TMEM72: variants seen among roughly 807,000 people sequenced by gnomAD.
TMEM72 encodes kidney-specific secretory protein of 37 kDa.
In TMEM72, 9 loss-of-function variants were observed where a neutral mutation model predicts 16.3. The ratio of observed to expected loss-of-function variants is 0.55; its 90% confidence interval spans 0.33 to 0.96. TMEM72 has a LOEUF of 0.96. Among genes scored for constraint, TMEM72 ranks in the 40% least tolerant of loss-of-function variants. The probability of loss-of-function intolerance (pLI) is 0.03; values close to 1 mark genes in which losing one functional copy is unlikely to be tolerated. For missense variants in TMEM72, 324 were observed against 337.8 expected (o/e 0.96, Z 0.32); for synonymous variants, 160 against 146.5 (o/e 1.09, Z -0.66).
intron 1 of TMEM72, chr10:44,923,127 T>C (rs1840128202): frequency 1.3e-5 from 2 of 152,518 alleles, no homozygotes; most frequent in South Asian, 2.1e-4. Flanking sequence ...ACAGGTAGGG[T>C]GGCTGGCATG....
At chr10:44,925,694 C>A (rs1436166203) in intron 1 of TMEM72, among the ~76,000 whole-genome samples, 2 of 152,214 alleles carry the variant, frequency 1.3e-5, no homozygotes, top group African/African-American at 4.8e-5. Context: ...GGGCCTCCAT[C>A]CGTGGTTGGT....
chr10:44,921,687 AG>A (rs1840100899), intron 1 of TMEM72, among the ~76,000 whole-genome samples: 1 of 152,214 alleles, frequency 6.6e-6, no homozygotes, highest in Admixed American at 6.5e-5. Flanking sequence ...CACCCTGTGA[AG>A]GCAGAGCTTC....
chr10:44,934,250 G>T (rs1261645407), intron 4 of TMEM72, among the ~76,000 whole-genome samples: 3 of 152,238 alleles, frequency 2.0e-5, no homozygotes, highest in Middle Eastern at 3.4e-3. Flanking sequence ...CTGGCCAGCT[G>T]GTTTCTGGTC....
intron 1 of TMEM72, among the ~76,000 whole-genome samples, chr10:44,918,686 C>T (rs1840047215): frequency 6.6e-6 from 1 of 152,086 alleles, no homozygotes; most frequent in South Asian, 2.1e-4. Flanking sequence ...ATTAATGTAA[C>T]TTACCATGTG....
rs1444422405 is a variant in TMEM72 at position 44,936,051 on chromosome 10, G to GA, written c.*921dup. On this transcript the variant is annotated 3_prime_UTR_variant, in exon 5 of 5. Transcript: ENST00000389583. Reference sequence around the variant, plus strand: ...GAAGTGAGGGGGGAAGAAGAGGAGGGAAAATGGGAGGATAGGAGGAAGTGG... The same window carrying GA: ...GAAGTGAGGGGGGAAGAAGAGGAGGGAAAAATGGGAGGATAGGAGGAAGTGG... 7 of 152,258 alleles carry GA rather than the reference G, an allele frequency of 4.6e-5. No homozygotes were observed. The East Asian group carries it at 1.2e-3, about 25-fold the overall frequency. The allele number at this position is 152,258 out of a possible 1,614,324, so 9.4% of individuals were successfully genotyped here. A position where few individuals can be genotyped will look rare whatever the true frequency, so the allele number is the denominator to read the frequency against.
rs775485511 is a variant in TMEM72, at chr10:44,934,703, C to A, written c.397C>A (p.Arg133=). Residue 133 remains arginine, a synonymous_variant, in exon 5 of 5, where the codon CGG becomes AGG. Coordinates refer to ENST00000389583, the MANE Select transcript of TMEM72 (RefSeq NM_001123376.3). ...CCTGGCCTACTTCCTTCTGAGCAAGCGGAAGAAGAGGAAAGCTGCCCCCGA... is the reference window on the plus strand; with the variant it reads ...CCTGGCCTACTTCCTTCTGAGCAAGAGGAAGAAGAGGAAAGCTGCCCCCGA... ...TGLAYFLLSK[R]KKRKAAPEVL... 6.2e-7 allele frequency: 1 copy of A among 1,607,464 alleles called. No individual in the cohort carries two copies. The highest frequency in any genetic ancestry group is 8.5e-7 in the Non-Finnish European group (1 of 1,177,582).
At chr10:44,928,488 A>G (rs550683212) in intron 2 of TMEM72, among the ~76,000 whole-genome samples, 75 of 151,938 alleles carry the variant, frequency 4.9e-4, no homozygotes, top group Middle Eastern at 3.4e-3. Context: ...CCATCCATCC[A>G]TCTGCCCATA....
At chr10:44,924,811 C>G (rs1313913608) in intron 1 of TMEM72, among the ~76,000 whole-genome samples, 1 of 152,242 alleles carries the variant, frequency 6.6e-6, no homozygotes, top group African/African-American at 2.4e-5. Context: ...TCCCCACACT[C>G]TCCTCCTCCC....
At chr10:44,912,903 G>C (rs1839958267) in intron 1 of TMEM72, among the ~76,000 whole-genome samples, 1 of 152,298 alleles carries the variant, frequency 6.6e-6, no homozygotes, top group African/African-American at 2.4e-5. Context: ...GGGCACCTGA[G>C]CTCAAATGCA....
chr10:44,924,546 T>A (rs1840154461), intron 1 of TMEM72, among the ~76,000 whole-genome samples: 2 of 152,186 alleles, frequency 1.3e-5, no homozygotes, highest in South Asian at 4.1e-4. Flanking sequence ...AGGGTGGGCC[T>A]GCCGCTCCCA....
rs1483998251 is a variant in TMEM72, at chr10:44,932,195, C to T, written c.209+126C>T. The T allele has an allele frequency of 6.1e-6, 7 of 1,139,592 alleles. No homozygotes were observed. In the African/African-American group the frequency reaches 1.1e-4, roughly 18 times the overall value. 70.6% of individuals were successfully genotyped at this position (1,139,592 alleles called of 1,614,324 possible). A position where few individuals can be genotyped will look rare whatever the true frequency, so the allele number is the denominator to read the frequency against. On this transcript the variant is annotated intron_variant, in intron 3 of 4. Transcript: ENST00000389583. Reference sequence around the variant, plus strand: ...GAAGCCACTGTGGACAGGAGCCCCCCACCGAGGTACAATCAGCCTGGCCTG... The same window carrying T: ...GAAGCCACTGTGGACAGGAGCCCCCTACCGAGGTACAATCAGCCTGGCCTG...
At chr10:44,913,885 T>C (rs578152492) in intron 1 of TMEM72, among the ~76,000 whole-genome samples, 1 of 152,324 alleles carries the variant, frequency 6.6e-6, no homozygotes, top group Non-Finnish European at 1.5e-5. Context: ...ATAGAGGGCC[T>C]CACTTTGCAG....
At chr10:44,925,687 C>A (rs961326779) in intron 1 of TMEM72, among the ~76,000 whole-genome samples, 11 of 152,214 alleles carry the variant, frequency 7.2e-5, no homozygotes, top group African/African-American at 2.4e-4. Flanking sequence ...CTGACCTGGG[C>A]CTCCATCCGT....
chr10:44,911,539 G>A lies in TMEM72; in HGVS notation c.27G>A (p.Gly9=). MQLQVFWT[G]LEYTCRLLGI... is the part of the protein sequence containing the mutation. ...TGCAGCTCCAGGTGTTCTGGACTGG[G>A]CTGGAATACACCTGCCGGCTCCTGG... The change falls in exon 1 of 5, where the codon GGG becomes GGA. Residue 9 remains glycine (G), a synonymous_variant. Transcript: ENST00000389583. The A allele has an allele frequency of 6.4e-7, 1 of 1,551,286 alleles. No individual in the cohort carries two copies. The highest frequency in any genetic ancestry group is 1.4e-5 in the African/African-American group (1 of 73,252).
At chr10:44,925,983 TCA>T (rs756123216) in intron 1 of TMEM72, among the ~76,000 whole-genome samples, 80 of 148,138 alleles carry the variant, frequency 5.4e-4, no homozygotes, top group Non-Finnish European at 8.7e-4. Flanking sequence ...ACATATATAC[TCA>T]CACTCACATA....
chr10:44,915,422 G>A (rs1233016516), intron 1 of TMEM72, among the ~76,000 whole-genome samples: 2 of 151,550 alleles, frequency 1.3e-5, no homozygotes, highest in Non-Finnish European at 2.9e-5. Context: ...GGAAACCGAG[G>A]CCTGATGGAG....
chr10:44,914,654 C>T (rs1839987751), intron 1 of TMEM72, among the ~76,000 whole-genome samples: 1 of 152,194 alleles, frequency 6.6e-6, no homozygotes, highest in South Asian at 2.1e-4. Context: ...TAAAGATGTC[C>T]TGAGTGTGAG....
intron 1 of TMEM72, among the ~76,000 whole-genome samples, chr10:44,926,690 C>G (rs1022416505): frequency 6.6e-6 from 1 of 152,146 alleles, no homozygotes; most frequent in African/African-American, 2.4e-5. Flanking sequence ...AGCCCCAGAG[C>G]CCTCCATCCA....
intron 4 of TMEM72, 128 bp downstream of exon 4, chr10:44,933,904 A>T: frequency 8.5e-7 from 1 of 1,169,850 alleles, no homozygotes; most frequent in Non-Finnish European, 1.2e-6. Flanking sequence ...GCCCTCTCTG[A>T]CCTAGAGGGT....
Sources: gnomAD v4.1 joint callset for allele counts (sites outside exome capture counted in the v4.1 genomes callset) on GRCh38, gnomAD v4.1.1 for gene constraint, MANE v1.5 for transcripts, NCBI Gene and HGNC (gene_info 2026-07-23, HGNC 2026-07-21) for gene names.